KCNAB1: variants seen among roughly 807,000 people sequenced by gnomAD.
KCNAB1 encodes voltage-gated potassium channel subunit beta-1.
Under a neutral mutation model 64.6 loss-of-function variants are expected in KCNAB1, and 35 were observed. The observed-to-expected ratio is 0.54, with a 90% CI of 0.41 to 0.72. The LOEUF (loss-of-function observed/expected upper bound fraction) is 0.72. Among genes scored for constraint, KCNAB1 ranks in the 30% least tolerant of loss-of-function variants. KCNAB1 has a pLI of 0.00. For missense variants in KCNAB1, 401 were observed against 512.9 expected, an observed-to-expected ratio of 0.78 and a Z score of 2.11; for synonymous variants, 177 against 183.8, an observed-to-expected ratio of 0.96 and a Z score of 0.30.
intron 1 of KCNAB1, among the ~76,000 whole-genome samples, chr3:156,157,845 TA>T (rs934350980): frequency 2.0e-5 from 3 of 152,278 alleles, no homozygotes; most frequent in East Asian, 1.9e-4. Context: ...AAAGGTGGAT[TA>T]TTTTTTTTCC....
At chr3:156,507,632 C>G (rs970715660) in intron 8 of KCNAB1, among the ~76,000 whole-genome samples, 3 of 152,138 alleles carry the variant, frequency 2.0e-5, no homozygotes, top group Admixed American at 6.5e-5. Flanking sequence ...AGTTATAAAC[C>G]ACCACCACCA....
intron 2 of KCNAB1, among the ~76,000 whole-genome samples, chr3:156,443,410 T>A (rs1717150428): frequency 2.0e-5 from 3 of 151,626 alleles, no homozygotes; most frequent in Non-Finnish European, 4.4e-5. Flanking sequence ...TGTGGGGAGG[T>A]AAAGGAGCAT....
intron 8 of KCNAB1, among the ~76,000 whole-genome samples, chr3:156,498,041 A>G (rs115540028): frequency 0.011 from 1,711 of 152,338 alleles, 17 homozygotes; most frequent in African/African-American, 0.039. Context: ...AGCCCCTGTC[A>G]AAGCAACATG....
intron 8 of KCNAB1, among the ~76,000 whole-genome samples, chr3:156,482,505 G>A (rs1017334294): frequency 2.6e-5 from 4 of 151,068 alleles, no homozygotes; most frequent in African/African-American, 4.9e-5. Context: ...GAAGTTATGG[G>A]GGTAGATTTT....
At chr3:156,299,257 A>G (rs1250271886) in intron 1 of KCNAB1, among the ~76,000 whole-genome samples, 1 of 152,236 alleles carries the variant, frequency 6.6e-6, no homozygotes, top group Non-Finnish European at 1.5e-5. Context: ...TCCCTTCTCT[A>G]CATAGGCAGA....
intron 1 of KCNAB1, among the ~76,000 whole-genome samples, chr3:156,317,110 A>C (rs1328558520): frequency 6.6e-6 from 1 of 152,168 alleles, no homozygotes; most frequent in East Asian, 1.9e-4. Context: ...TCAGGGAGAT[A>C]TTTTTAGAAT....
chr3:156,445,631 T>C (rs1019034149), intron 2 of KCNAB1, among the ~76,000 whole-genome samples: 7 of 152,216 alleles, frequency 4.6e-5, no homozygotes, highest in African/African-American at 4.8e-5. Flanking sequence ...TGCTTACTGA[T>C]TGAACAAGCA....
chr3:156,260,013 C>G (rs1576653929), intron 1 of KCNAB1, among the ~76,000 whole-genome samples: 1 of 152,156 alleles, frequency 6.6e-6, no homozygotes, highest in East Asian at 1.9e-4. Context: ...GTATCTCAGC[C>G]TTGTAATGCA....
intron 1 of KCNAB1, among the ~76,000 whole-genome samples, chr3:156,121,571 G>A (rs1713349446): frequency 6.6e-6 from 1 of 152,182 alleles, no homozygotes; most frequent in South Asian, 2.1e-4. Flanking sequence ...AAAACGTACT[G>A]AGTAAAAAGT....
At chr3:156,538,845 A>AGAT (rs1382625361), downstream of KCNAB1, 2 of 152,238 alleles carry the variant, frequency 1.3e-5, no homozygotes, top group Admixed American at 6.5e-5. Flanking sequence ...TAACTACTGA[A>AGAT]GATACCATTT....
intron 2 of KCNAB1, among the ~76,000 whole-genome samples, chr3:156,422,897 G>GA (rs1050408669): frequency 1.7e-4 from 25 of 150,710 alleles, no homozygotes; most frequent in African/African-American, 2.2e-4. Flanking sequence ...AGAAAAATCA[G>GA]AAAAAAAAAT....
chr3:156,189,546 A>G (rs1441379002), intron 1 of KCNAB1, among the ~76,000 whole-genome samples: 1 of 152,212 alleles, frequency 6.6e-6, no homozygotes, highest in Non-Finnish European at 1.5e-5. Context: ...GATGGTGCTC[A>G]TGTATTGATA....
chr3:156,486,044 C>T (rs2108341919), intron 8 of KCNAB1, among the ~76,000 whole-genome samples: 1 of 152,184 alleles, frequency 6.6e-6, no homozygotes, highest in African/African-American at 2.4e-5. Context: ...CAAGTGATGT[C>T]TGCCAGGTTT....
At chr3:156,441,794 T>G (rs957003709) in intron 2 of KCNAB1, among the ~76,000 whole-genome samples, 1 of 152,144 alleles carries the variant, frequency 6.6e-6, no homozygotes, top group African/African-American at 2.4e-5. Flanking sequence ...TTTTAAACAT[T>G]TAAATGTCAG....
intron 1 of KCNAB1, among the ~76,000 whole-genome samples, chr3:156,224,269 A>G (rs1716003243): frequency 6.6e-6 from 1 of 152,218 alleles, no homozygotes; most frequent in Non-Finnish European, 1.5e-5. Flanking sequence ...CTGGCCCGCA[A>G]GCACCGCACG....
At chr3:156,312,001 C>T (rs979339886) in intron 1 of KCNAB1, among the ~76,000 whole-genome samples, 1 of 152,214 alleles carries the variant, frequency 6.6e-6, no homozygotes, top group Non-Finnish European at 1.5e-5. Context: ...ACTCATCACA[C>T]ATTTTGTTTA....
chr3:156,354,823 C>T lies in KCNAB1; in HGVS notation c.276-66793C>T, dbSNP rs78626096. Among the ~76,000 whole-genome samples, 357 of 151,904 alleles carry T rather than the reference C, an allele frequency of 2.4e-3. 5 individuals carry two copies. The East Asian group carries it at 0.029, about 13-fold the overall frequency. On this transcript the variant is annotated intron_variant, in intron 1 of 13. Transcript: ENST00000490337. ...CTATTTCGTTCCAGAAAAACTAAGG[C>T]GTTACAACTTGCAATGTATCTGGTT...
chr3:156,129,155 A>AT (rs797002229), intron 1 of KCNAB1, among the ~76,000 whole-genome samples: 22 of 149,768 alleles, frequency 1.5e-4, no homozygotes, highest in East Asian at 2.0e-4. Flanking sequence ...TCAGTCGTTG[A>AT]TTTTTTTTTT....
chr3:156,164,881 G>A (rs73028546), intron 1 of KCNAB1, among the ~76,000 whole-genome samples: 3,034 of 152,290 alleles, frequency 0.02, 117 homozygotes, highest in African/African-American at 0.07. Flanking sequence ...GAAATGGATT[G>A]CAAGTGCTTA....
Sources: gnomAD v4.1 joint callset for allele counts (sites outside exome capture counted in the v4.1 genomes callset) on GRCh38, gnomAD v4.1.1 for gene constraint, MANE v1.5 for transcripts, NCBI Gene and HGNC (gene_info 2026-07-23, HGNC 2026-07-21) for gene names.